ABI1: variants seen among roughly 807,000 people sequenced by gnomAD.
ABI1 encodes the protein Abelson interactor 1.
ABI1 carries 14 observed loss-of-function variants against 54.6 expected under a neutral mutation model. That is an observed-to-expected ratio of 0.26 (90% CI 0.17 to 0.40). The LOEUF (loss-of-function observed/expected upper bound fraction) is 0.40. Ranked by LOEUF, ABI1 falls within the 10% of genes least tolerant of loss-of-function variation. ABI1 has a pLI of 1.00. For missense variants in ABI1, 443 were observed against 598.3 expected, an observed-to-expected ratio of 0.74 and a Z score of 2.71; for synonymous variants, 194 against 209.3, an observed-to-expected ratio of 0.93 and a Z score of 0.63.
intron 2 of ABI1, among the ~76,000 whole-genome samples, chr10:26,816,347 C>T (rs1588964544): frequency 6.6e-6 from 1 of 152,002 alleles, no homozygotes; most frequent in East Asian, 1.9e-4. Flanking sequence ...GATATGCAGC[C>T]AGAAGAATAT....
At chr10:26,792,096 T>TA (rs1389655471) in intron 2 of ABI1, among the ~76,000 whole-genome samples, 1 of 152,176 alleles carries the variant, frequency 6.6e-6, no homozygotes, top group Non-Finnish European at 1.5e-5. Context: ...ACATGCGATT[T>TA]AAAAAAATGT....
intron 1 of ABI1, among the ~76,000 whole-genome samples, chr10:26,830,216 A>T (rs2148110): frequency 0.57 from 86,416 of 152,050 alleles, 26,513 homozygotes; most frequent in African/African-American, 0.81. Context: ...TGGGCTACTA[A>T]GAATATTTGA....
chr10:26,774,762 T>G (rs920760669), intron 3 of ABI1, among the ~76,000 whole-genome samples: 1 of 151,996 alleles, frequency 6.6e-6, no homozygotes, highest in African/African-American at 2.4e-5. Flanking sequence ...AATATTAATC[T>G]TGGAGTATGG....
chr10:26,829,143 G>A (rs1035664288), intron 1 of ABI1, among the ~76,000 whole-genome samples: 5 of 151,668 alleles, frequency 3.3e-5, no homozygotes, highest in South Asian at 2.1e-4. Flanking sequence ...GGAGAATGGC[G>A]TGAACCTGGG....
chr10:26,751,680 A>C lies in ABI1; in HGVS notation c.1188T>G (p.Asp396Glu). 1 of 1,613,950 alleles carries C rather than the reference A, an allele frequency of 6.2e-7. No homozygotes were observed. The highest frequency in any genetic ancestry group is 8.5e-7 in the Non-Finnish European group (1 of 1,179,962). Residue 396 changes from aspartate to glutamate, a missense_variant, in exon 10 of 11, where the codon GAT becomes GAG. Around this residue, in one of 2 missense-constraint regions of ABI1, gnomAD observed 49 missense variants for 113.5 expected, o/e 0.43. Transcript: ENST00000376140. ...PPPPPPVDYE[D>E]EEAAVVQYND... Reference sequence around the variant, plus strand: ...TATACTGAACTACTGCAGCCTCCTCATCTTCATAATCCACTGGTGGTGGTG... The same window carrying C: ...TATACTGAACTACTGCAGCCTCCTCCTCTTCATAATCCACTGGTGGTGGTG...
chr10:26,767,169 G>T (rs1840065527), intron 6 of ABI1, among the ~76,000 whole-genome samples: 1 of 152,134 alleles, frequency 6.6e-6, no homozygotes, highest in South Asian at 2.1e-4. Flanking sequence ...TTCCACTATA[G>T]AGAAAAACTA....
Position 26,746,997 on chromosome 10 carries a change from G to T in ABI1, c.*1573C>A. 2 of 227,280 alleles carry T rather than the reference G, an allele frequency of 8.8e-6. No individual in the cohort carries two copies. The highest frequency in any genetic ancestry group is 6.7e-5 in the East Asian group (1 of 14,968). The allele number at this position is 227,280 out of a possible 1,614,324, so 14.1% of individuals were successfully genotyped here. A position where few individuals can be genotyped will look rare whatever the true frequency, so the allele number is the denominator to read the frequency against. ...TCCACTTGAAAAATGGAAAGTAGAA[G>T]GTAGCTAGCTGATCACTAATGATAC... On this transcript the variant is annotated 3_prime_UTR_variant, in exon 11 of 11. Coordinates refer to ENST00000376140, the MANE Select transcript of ABI1 (RefSeq NM_001012750.3).
intron 5 of ABI1, among the ~76,000 whole-genome samples, chr10:26,769,465 A>G (rs1225988258): frequency 3.3e-5 from 5 of 152,152 alleles, no homozygotes; most frequent in Non-Finnish European, 5.9e-5. Flanking sequence ...ATTCTGTTTA[A>G]TAACTTCATT....
intron 2 of ABI1, among the ~76,000 whole-genome samples, chr10:26,815,547 G>A (rs2047508451): frequency 6.6e-6 from 1 of 152,176 alleles, no homozygotes; most frequent in Non-Finnish European, 1.5e-5. Context: ...GTTTTGCACA[G>A]TTCTGATACG....
At chr10:26,852,336 A>G (rs1297725191) in intron 1 of ABI1, among the ~76,000 whole-genome samples, 1 of 152,086 alleles carries the variant, frequency 6.6e-6, no homozygotes, top group Non-Finnish European at 1.5e-5. Context: ...AAAATTAGCC[A>G]GGCGTGGTGG....
chr10:26,787,082 C>T (rs1380257745), intron 2 of ABI1, among the ~76,000 whole-genome samples: 2 of 152,202 alleles, frequency 1.3e-5, no homozygotes, highest in Non-Finnish European at 2.9e-5. Context: ...TACCAGAAAT[C>T]TGTTTCTAAC....
At chr10:26,789,934 T>C (rs767323287) in intron 2 of ABI1, among the ~76,000 whole-genome samples, 11 of 152,210 alleles carry the variant, frequency 7.2e-5, no homozygotes, top group African/African-American at 2.2e-4. Context: ...TCCAGCTCCA[T>C]CCATGTCCCT....
intron 2 of ABI1, 41 bp from the exon 3 acceptor site, chr10:26,777,282 CATAAT>C (rs1269440405): frequency 6.7e-7 from 1 of 1,497,482 alleles, no homozygotes; most frequent in African/African-American, 1.4e-5. Context: ...TATTATTTGA[CATAAT>C]ATGTTTGCTA....
At chr10:26,782,694 G>C (rs1842261270) in intron 2 of ABI1, among the ~76,000 whole-genome samples, 1 of 147,282 alleles carries the variant, frequency 6.8e-6, no homozygotes, top group Non-Finnish European at 1.5e-5. Flanking sequence ...CTGCACTCCA[G>C]CCTGGCGACA....
At chr10:26,825,388 C>A (rs925222725) in intron 1 of ABI1, among the ~76,000 whole-genome samples, 11 of 152,074 alleles carry the variant, frequency 7.2e-5, no homozygotes, top group African/African-American at 2.7e-4. Flanking sequence ...TGGCCGGGTG[C>A]CATGGCTCAC....
At chr10:26,817,078 C>A (rs1241865055) in intron 2 of ABI1, among the ~76,000 whole-genome samples, 1 of 151,544 alleles carries the variant, frequency 6.6e-6, no homozygotes, top group African/African-American at 2.4e-5. Context: ...CAGCTCACTG[C>A]AACTTCTGCC....
intron 2 of ABI1, among the ~76,000 whole-genome samples, chr10:26,778,673 T>G (rs1841736896): frequency 6.6e-6 from 1 of 152,142 alleles, no homozygotes; most frequent in African/African-American, 2.4e-5. Flanking sequence ...TCCATGAGTA[T>G]CTATCATTTC....
chr10:26,798,918 G>A (rs1477823220), intron 2 of ABI1, among the ~76,000 whole-genome samples: 1 of 151,922 alleles, frequency 6.6e-6, no homozygotes, highest in African/African-American at 2.4e-5. Flanking sequence ...TTCACCACAA[G>A]CAGGAGTCAG....
intron 1 of ABI1, among the ~76,000 whole-genome samples, chr10:26,827,166 G>A (rs2048353903): frequency 1.3e-5 from 2 of 151,908 alleles, no homozygotes; most frequent in Admixed American, 1.3e-4. Context: ...ACCAGCCTCG[G>A]CCTCCCAAAG....
Sources: gnomAD v4.1 joint callset for allele counts (sites outside exome capture counted in the v4.1 genomes callset) on GRCh38, gnomAD v4.1.1 for gene constraint, gnomAD v4.1.1 regional missense constraint, MANE v1.5 for transcripts, NCBI Gene and HGNC (gene_info 2026-07-23, HGNC 2026-07-21) for gene names.